The following CFAP47 variants were observed in gnomAD, a reference collection of about 807,000 sequenced individuals.
CFAP47 encodes cilia and flagella associated protein 47.
Under a neutral mutation model 148.1 loss-of-function variants are expected in CFAP47, and 29 were observed. The observed-to-expected ratio is 0.20, with a 90% CI of 0.15 to 0.27. The LOEUF (loss-of-function observed/expected upper bound fraction) is 0.27, where lower values mean the gene tolerates loss of function less well. Among genes scored for constraint, CFAP47 ranks in the 10% least tolerant of loss-of-function variants. The pLI is 1.00. For synonymous variants in CFAP47, 664 were observed against 577.3 expected (o/e 1.15, Z -2.15); for missense variants, 1,872 against 1,697.5 (o/e 1.10, Z -1.81).
chrX:35,958,342 C>G (rs184644456), intron 8 of CFAP47, among the ~76,000 whole-genome samples: 432 of 111,659 alleles, frequency 3.9e-3, no homozygotes, highest in Non-Finnish European at 6.4e-3. Context: ...TATAAACATT[C>G]ATGTACAACT....
intron 33 of CFAP47, among the ~76,000 whole-genome samples, chrX:36,123,674 T>C (rs1204414005): frequency 9.0e-6 from 1 of 110,658 alleles, no homozygotes; most frequent in Non-Finnish European, 1.9e-5. Flanking sequence ...GGACTTCCCC[T>C]TCAGAACTGT....
rs60968920 is a variant in CFAP47 at position 36,148,901 on chromosome X, A to ATGTGTGTGTGTGTGTG, written c.5671-185_5671-170dup. Among the ~76,000 whole-genome samples the ATGTGTGTGTGTGTGTG allele has an allele frequency of 6.4e-3, 588 of 92,252 alleles. 14 individuals carry two copies. Among genetic ancestry groups the ATGTGTGTGTGTGTGTG allele is most frequent in the African/African-American group, 0.023 (569 of 24,532 alleles). The allele number at this position is 92,252 out of a possible 115,157, so 80.1% of individuals were successfully genotyped here. A position where few individuals can be genotyped will look rare whatever the true frequency, so the allele number is the denominator to read the frequency against. The stretch of plus-strand genomic sequence containing the variant: ...TGCCCACTTCAGCTAAACTGTATGT[A>ATGTGTGTGTGTGTGTG]TGTGTGTGTGTGTGTGTGTGTGTGT... On this transcript the variant is annotated intron_variant, in intron 36 of 63. Coordinates refer to ENST00000378653, the MANE Select transcript of CFAP47 (RefSeq NM_001304548.2).
At chrX:36,048,146 C>T (rs1937488658) in intron 26 of CFAP47, among the ~76,000 whole-genome samples, 1 of 112,021 alleles carries the variant, frequency 8.9e-6, no homozygotes, top group Non-Finnish European at 1.9e-5. Flanking sequence ...TTTCTGATCT[C>T]ATTGAGATAA....
chrX:36,252,366 A>G (rs190628662), intron 49 of CFAP47, among the ~76,000 whole-genome samples: 329 of 109,725 alleles, frequency 3.0e-3, no homozygotes, highest in African/African-American at 0.01. Flanking sequence ...GCTATTAAAA[A>G]GCAGAAGGGA....
At chrX:36,250,589 T>C in intron 48 of CFAP47, among the ~76,000 whole-genome samples, 1 of 110,779 alleles carries the variant, frequency 9.0e-6, no homozygotes, top group Non-Finnish European at 1.9e-5. Context: ...ATGATAACTA[T>C]GTGAGATAAT....
At chrX:36,005,683 G>T (rs994908273) in intron 21 of CFAP47, among the ~76,000 whole-genome samples, 2 of 111,949 alleles carry the variant, frequency 1.8e-5, no homozygotes. Context: ...GTGTGCACAT[G>T]TGTGCAATGG....
intron 22 of CFAP47, among the ~76,000 whole-genome samples, chrX:36,020,210 A>G (rs1937141921): frequency 8.9e-6 from 1 of 112,094 alleles, no homozygotes; most frequent in Non-Finnish European, 1.9e-5. Context: ...TGCTTGATAT[A>G]ATTTCAAATT....
intron 43 of CFAP47, 25 bp from the exon 44 acceptor site, chrX:36,201,249 A>C (rs1939976588): frequency 3.4e-6 from 1 of 295,570 alleles, no homozygotes; most frequent in Admixed American, 6.2e-5. Flanking sequence ...CATTGTATTC[A>C]TTAATATTTT....
At chrX:36,088,602 G>T (rs1456898107) in intron 30 of CFAP47, among the ~76,000 whole-genome samples, 1 of 110,420 alleles carries the variant, frequency 9.1e-6, no homozygotes, top group African/African-American at 3.3e-5. Flanking sequence ...AGGAAAAGAG[G>T]CCTCACCTAG....
In CFAP47 at chrX:36,016,757, T is replaced by C. The variant is rs931927909; in HGVS notation, c.3556+1845T>C. ...ACTTCAAACTTTTCTCCATAGTGGTTCTACTAATTTACATTCGCATCAACG... is the reference window on the plus strand; with the variant it reads ...ACTTCAAACTTTTCTCCATAGTGGTCCTACTAATTTACATTCGCATCAACG... On this transcript the variant is annotated intron_variant, in intron 22 of 63. Coordinates refer to ENST00000378653, the MANE Select transcript of CFAP47 (RefSeq NM_001304548.2). 2.9e-5 allele frequency among the ~76,000 whole-genome samples: 3 copies of C among 102,787 alleles called. No homozygotes were observed. The South Asian group carries it at 1.4e-3, about 50-fold the overall frequency. 89.3% of individuals were successfully genotyped at this position (102,787 alleles called of 115,157 possible). A position where few individuals can be genotyped will look rare whatever the true frequency, so the allele number is the denominator to read the frequency against.
At chrX:36,371,702 G>A (rs868984412) in intron 62 of CFAP47, among the ~76,000 whole-genome samples, 5 of 61,085 alleles carry the variant, frequency 8.2e-5, no homozygotes, top group African/African-American at 3.2e-4. Context: ...ATACACACAT[G>A]TGTATATATG....
chrX:36,181,155 T>C (rs1054272269), intron 40 of CFAP47, among the ~76,000 whole-genome samples: 3 of 111,892 alleles, frequency 2.7e-5, no homozygotes, highest in Non-Finnish European at 5.6e-5. Flanking sequence ...TCTGTGAGTA[T>C]AAATAACTCA....
At chrX:36,108,507 C>T (rs1316610430) in intron 33 of CFAP47, among the ~76,000 whole-genome samples, 1 of 111,700 alleles carries the variant, frequency 9.0e-6, no homozygotes, top group Non-Finnish European at 1.9e-5. Flanking sequence ...CTGAATCTAC[C>T]TACTTTTTTC....
intron 37 of CFAP47, among the ~76,000 whole-genome samples, chrX:36,156,830 T>G (rs1375423912): frequency 1.8e-5 from 2 of 111,228 alleles, no homozygotes; most frequent in Non-Finnish European, 3.8e-5. Context: ...AACTACAAAA[T>G]TTAAAAAATA....
intron 46 of CFAP47, among the ~76,000 whole-genome samples, chrX:36,234,413 C>A (rs1940422024): frequency 8.9e-6 from 1 of 112,155 alleles, no homozygotes; most frequent in Non-Finnish European, 1.9e-5. Context: ...GCATCGGCTC[C>A]TGAGGCTTCT....
At chrX:36,077,403 A>C (rs1200966501) in intron 29 of CFAP47, among the ~76,000 whole-genome samples, 7 of 107,811 alleles carry the variant, frequency 6.5e-5, no homozygotes, top group Non-Finnish European at 1.3e-4. Flanking sequence ...ATCAATGAGC[A>C]TAAAATGTTT....
chrX:36,130,182 G>T (rs1466667838), intron 33 of CFAP47, among the ~76,000 whole-genome samples: 2 of 110,916 alleles, frequency 1.8e-5, no homozygotes, highest in Non-Finnish European at 3.8e-5. Context: ...TCTGATAAGG[G>T]ATTAATGACC....
At chrX:36,029,918 G>A (rs1411898026) in intron 22 of CFAP47, among the ~76,000 whole-genome samples, 1 of 109,575 alleles carries the variant, frequency 9.1e-6, no homozygotes, top group East Asian at 2.8e-4. Flanking sequence ...TTTATTTATA[G>A]CCTGTTATTT....
chrX:36,060,895 C>G (rs1256732327), intron 26 of CFAP47, among the ~76,000 whole-genome samples: 1 of 111,618 alleles, frequency 9.0e-6, no homozygotes, highest in African/African-American at 3.3e-5. Flanking sequence ...CACTGAAAAA[C>G]AAGTGACAAT....
Sources: allele counts gnomAD v4.1 joint callset (sites outside exome capture counted in the v4.1 genomes callset), GRCh38; gene constraint gnomAD v4.1.1; transcripts MANE v1.5; gene names NCBI Gene and HGNC (gene_info 2026-07-23, HGNC 2026-07-21).